Variants in MYO3A observed in about 807,000 individuals in gnomAD.
The protein encoded by MYO3A is myosin-IIIa.
MYO3A carries 180 observed loss-of-function variants against 192.7 expected under a neutral mutation model. The observed-to-expected ratio is 0.93, with a 90% confidence interval of 0.83 to 1.06. MYO3A has a LOEUF of 1.06. Among genes scored for constraint, MYO3A ranks in the 50% least tolerant of loss-of-function variants. MYO3A has a pLI of 0.00. For synonymous variants in MYO3A, 628 were observed against 645.3 expected (o/e 0.97, Z 0.41); for missense variants, 1,896 against 1,905.0 (o/e 1.00, Z 0.09).
At chr10:26,069,636 G>A (rs7096274) in intron 12 of MYO3A, among the ~76,000 whole-genome samples, 71,946 of 151,558 alleles carry the variant, frequency 0.47, 17,844 homozygotes, top group Middle Eastern at 0.59. Flanking sequence ...TACGGGTTTT[G>A]GTGCAATCTT....
At chr10:25,958,857 A>T (rs1055129489) in intron 4 of MYO3A, among the ~76,000 whole-genome samples, 2 of 150,928 alleles carry the variant, frequency 1.3e-5, no homozygotes, top group Non-Finnish European at 3.0e-5. Context: ...GCAATTTTAA[A>T]TGGGATTGTT....
intron 6 of MYO3A, among the ~76,000 whole-genome samples, chr10:26,011,661 T>C (rs1473944438): frequency 6.6e-6 from 1 of 152,124 alleles, no homozygotes; most frequent in Non-Finnish European, 1.5e-5. Flanking sequence ...ACCAGACCTA[T>C]TCACTGAATT....
chr10:26,120,837 C>T (rs759504500), intron 18 of MYO3A, 35 bp downstream of exon 18: 15 of 1,610,848 alleles, frequency 9.3e-6, no homozygotes, highest in Non-Finnish European at 1.3e-5. Context: ...AAACTGAAAT[C>T]TTTCAAATCT....
chr10:26,199,192 CTT>C (rs1176823046), intron 32 of MYO3A, among the ~76,000 whole-genome samples: 2 of 152,128 alleles, frequency 1.3e-5, no homozygotes, highest in Non-Finnish European at 2.9e-5. Context: ...TGTATAACGA[CTT>C]ATATTATGAG....
At chr10:26,052,884 CT>C (rs1322233479) in intron 10 of MYO3A, among the ~76,000 whole-genome samples, 2 of 152,010 alleles carry the variant, frequency 1.3e-5, no homozygotes, top group African/African-American at 4.8e-5. Context: ...TTAACCACCC[CT>C]AAGGGTATTT....
intron 26 of MYO3A, among the ~76,000 whole-genome samples, chr10:26,165,502 T>G (rs1841695213): frequency 6.6e-6 from 1 of 152,198 alleles, no homozygotes; most frequent in African/African-American, 2.4e-5. Flanking sequence ...GCATTAGCCC[T>G]TCCTCTTTCC....
intron 34 of MYO3A, among the ~76,000 whole-genome samples, chr10:26,209,858 G>C (rs1165941273): frequency 6.6e-6 from 1 of 152,182 alleles, no homozygotes; most frequent in Non-Finnish European, 1.5e-5. Flanking sequence ...ACTTTGGAAG[G>C]CTAAGGCAGG....
intron 4 of MYO3A, among the ~76,000 whole-genome samples, chr10:25,991,411 T>A (rs1003533455): frequency 6.6e-6 from 1 of 152,206 alleles, no homozygotes; most frequent in Non-Finnish European, 1.5e-5. Context: ...TTCTGGATAT[T>A]AGCCCTTTGT....
At chr10:25,940,090 G>A (rs1320062928) in intron 2 of MYO3A, among the ~76,000 whole-genome samples, 1 of 151,914 alleles carries the variant, frequency 6.6e-6, no homozygotes, top group African/African-American at 2.4e-5. Flanking sequence ...CTCTGTTTAG[G>A]TTTTAGGTGG....
At chr10:25,970,641 A>T (rs1036761135) in intron 4 of MYO3A, among the ~76,000 whole-genome samples, 1 of 151,958 alleles carries the variant, frequency 6.6e-6, no homozygotes, top group Non-Finnish European at 1.5e-5. Flanking sequence ...GAATGAAAGG[A>T]AGAGTTGTCT....
intron 32 of MYO3A, 150 bp downstream of exon 32, chr10:26,193,461 G>A (rs369156357): frequency 1.5e-6 from 1 of 683,684 alleles, no homozygotes; most frequent in Non-Finnish European, 2.6e-6. Flanking sequence ...CCCCTGGCTG[G>A]GGATCTGGGC....
At chr10:26,125,753 G>A (rs918476850) in intron 19 of MYO3A, 145 bp downstream of exon 19, 2 of 782,720 alleles carry the variant, frequency 2.6e-6, no homozygotes, top group African/African-American at 3.5e-5. Flanking sequence ...TAGTAGATAA[G>A]CTTCACTTCC....
intron 32 of MYO3A, among the ~76,000 whole-genome samples, chr10:26,194,237 A>G (rs1159609239): frequency 6.6e-6 from 1 of 152,060 alleles, no homozygotes; most frequent in Non-Finnish European, 1.5e-5. Context: ...TCTAAACCAT[A>G]CCTTTGAGCA....
In MYO3A at chr10:26,154,120, A is replaced by G. The variant is rs184513727; in HGVS notation, c.2715+191A>G. ...GGGCTAAAATAATCATGCATTTCTGATATATTAATATTTCCAACTCTTCTT... is the reference window on the plus strand; with the variant it reads ...GGGCTAAAATAATCATGCATTTCTGGTATATTAATATTTCCAACTCTTCTT... On this transcript the variant is annotated intron_variant, in intron 24 of 34. Transcript: ENST00000642920. 4.6e-4 allele frequency among the ~76,000 whole-genome samples: 70 copies of G among 152,190 alleles called. No homozygotes were observed. The East Asian group carries it at 9.1e-3, about 20-fold the overall frequency.
intron 26 of MYO3A, among the ~76,000 whole-genome samples, chr10:26,164,289 A>G (rs1290137832): frequency 1.3e-5 from 2 of 152,228 alleles, no homozygotes; most frequent in Non-Finnish European, 2.9e-5. Context: ...CATTTTGTAA[A>G]TGGAGGGAGC....
intron 26 of MYO3A, among the ~76,000 whole-genome samples, chr10:26,163,051 A>G (rs1564611571): frequency 6.6e-6 from 1 of 152,254 alleles, no homozygotes; most frequent in Non-Finnish European, 1.5e-5. Context: ...CTCTGGCACA[A>G]TTTTAAGTAA....
intron 17 of MYO3A, among the ~76,000 whole-genome samples, chr10:26,104,609 ATCC>A (rs1213496650): frequency 6.6e-6 from 1 of 152,054 alleles, no homozygotes; most frequent in African/African-American, 2.4e-5. Flanking sequence ...GGAAGCATAA[ATCC>A]TCCTACAACT....
In MYO3A at chr10:26,168,817, A is replaced by T; in HGVS notation, c.3217A>T (p.Arg1073Ter). 6.2e-7 allele frequency: 1 copy of T among 1,613,144 alleles called. No individual in the cohort carries two copies. Among genetic ancestry groups the T allele is most frequent in the Non-Finnish European group, 8.5e-7 (1 of 1,179,728 alleles). ...TTGTGTCAGAGCATTCTTGTGTTCA[A>T]GAAGATACCAAAAAATACAGGAGAA... Reference protein sequence around the residue: ...QACVRAFLCSRRYQKIQEKRK... With the variant: ...QACVRAFLCS Residue 1073 changes from arginine to a stop codon, truncating the protein, a stop_gained, in exon 28 of 35, where the codon AGA becomes TGA. Transcript: ENST00000642920. LOFTEE classifies it high-confidence loss of function.
chr10:25,934,487 G>C (rs995350299), intron 1 of MYO3A, among the ~76,000 whole-genome samples, 159 bp downstream of exon 1: 2 of 152,092 alleles, frequency 1.3e-5, no homozygotes, highest in Admixed American at 6.6e-5. Flanking sequence ...CGCCCGCCCA[G>C]GTCAGATCCG....
Sources: gnomAD v4.1 joint callset for allele counts (sites outside exome capture counted in the v4.1 genomes callset) on GRCh38, gnomAD v4.1.1 for gene constraint, MANE v1.5 for transcripts, NCBI Gene and HGNC (gene_info 2026-07-23, HGNC 2026-07-21) for gene names.